RAPGEF2: variants seen among roughly 807,000 people sequenced by gnomAD.
RAPGEF2 encodes PDZ domain containing guanine nucleotide exchange factor (GEF) 1.
RAPGEF2 carries 54 observed loss-of-function variants against 186.7 expected under a neutral mutation model. That is an observed-to-expected ratio of 0.29 (90% CI 0.23 to 0.36). RAPGEF2 has a LOEUF of 0.36. RAPGEF2 is among the 10% of genes least tolerant of loss of function. The pLI is 1.00. For synonymous variants in RAPGEF2, 712 were observed against 705.9 expected (o/e 1.01, Z -0.14); for missense variants, 1,532 against 2,045.0 (o/e 0.75, Z 4.84).
At chr4:159,104,506 GAGAGAGAGAGAGAGAGAGAGGGAGAGAC>G (rs1300287346) in intron 1 of RAPGEF2, among the ~76,000 whole-genome samples, 1 of 127,510 alleles carries the variant, frequency 7.8e-6, no homozygotes, top group Admixed American at 7.9e-5. Flanking sequence ...GAGAGAGAGA[GAGAGAGAGAGAGAGAGAGAGGGAGAGAC>G]AGAGAGAGAG....
intron 7 of RAPGEF2, among the ~76,000 whole-genome samples, chr4:159,260,513 A>G (rs983908225): frequency 6.6e-6 from 1 of 152,026 alleles, no homozygotes; most frequent in Non-Finnish European, 1.5e-5. Flanking sequence ...AGATAAGACC[A>G]CCTTAAGAGT....
intron 4 of RAPGEF2, among the ~76,000 whole-genome samples, chr4:159,216,160 T>TG (rs1035994057): frequency 5.9e-5 from 9 of 152,172 alleles, no homozygotes; most frequent in Admixed American, 5.2e-4. Context: ...TCCTACTGTG[T>TG]GGTCTCTACA....
chr4:159,206,367 G>C (rs1749992465), intron 3 of RAPGEF2, among the ~76,000 whole-genome samples: 1 of 152,160 alleles, frequency 6.6e-6, no homozygotes, highest in Admixed American at 6.5e-5. Flanking sequence ...AGACAAAAAA[G>C]CTTGTCAGAC....
At chr4:159,305,225 T>G (rs1763139132) in intron 8 of RAPGEF2, among the ~76,000 whole-genome samples, 1 of 152,190 alleles carries the variant, frequency 6.6e-6, no homozygotes, top group African/African-American at 2.4e-5. Context: ...TGAATCGTAG[T>G]TCTATTTTTA....
At chr4:159,138,509 A>G (rs1741963077) in intron 1 of RAPGEF2, among the ~76,000 whole-genome samples, 1 of 152,138 alleles carries the variant, frequency 6.6e-6, no homozygotes, top group African/African-American at 2.4e-5. Context: ...TGTAGGCCAA[A>G]TTTTAAGAGA....
At chr4:159,300,898 A>T (rs1049834336) in intron 7 of RAPGEF2, among the ~76,000 whole-genome samples, 1 of 151,962 alleles carries the variant, frequency 6.6e-6, no homozygotes, top group Admixed American at 6.6e-5. Context: ...CTGACTCTCA[A>T]CCCCTACATG....
chr4:159,301,067 A>G (rs1762606344), intron 7 of RAPGEF2, among the ~76,000 whole-genome samples: 1 of 152,160 alleles, frequency 6.6e-6, no homozygotes, highest in Admixed American at 6.5e-5. Flanking sequence ...ACTGATGTGT[A>G]TTGTCAATAA....
At position 159,319,415 on chromosome 4, in the gene RAPGEF2, TC is replaced by T. The variant is rs538849999; in HGVS notation, c.854-2926del. Reference sequence around the variant, plus strand: ...GCAGAACAGTTTCATCCCAAAACTATCCCCCCGCACCCACCAAGAGTGGAAA... The same window carrying T: ...GCAGAACAGTTTCATCCCAAAACTATCCCCCGCACCCACCAAGAGTGGAAA... On this transcript the variant is annotated intron_variant, in intron 9 of 29. Transcript: ENST00000691494. 8.8e-4 allele frequency among the ~76,000 whole-genome samples: 133 copies of T among 151,984 alleles called. 3 individuals carry two copies. The East Asian group carries it at 0.022, about 25-fold the overall frequency.
chr4:159,136,018 T>C (rs1246742603), intron 1 of RAPGEF2, among the ~76,000 whole-genome samples: 2 of 152,246 alleles, frequency 1.3e-5, no homozygotes, highest in Non-Finnish European at 2.9e-5. Context: ...TAAGTACATT[T>C]GTCAAAAGTA....
intron 7 of RAPGEF2, among the ~76,000 whole-genome samples, chr4:159,249,227 GA>G (rs762188274): frequency 2.1e-5 from 3 of 141,766 alleles, no homozygotes; most frequent in African/African-American, 2.8e-5. Flanking sequence ...CTTATCATGT[GA>G]TTTTTTTTTT....
At chr4:159,154,322 T>C (rs1743881271) in intron 1 of RAPGEF2, among the ~76,000 whole-genome samples, 1 of 152,162 alleles carries the variant, frequency 6.6e-6, no homozygotes, top group African/African-American at 2.4e-5. Flanking sequence ...ACAGTAATAG[T>C]GGATCCTTCT....
At chr4:159,180,727 C>A (rs2111274962) in intron 1 of RAPGEF2, among the ~76,000 whole-genome samples, 1 of 152,190 alleles carries the variant, frequency 6.6e-6, no homozygotes, top group Admixed American at 6.5e-5. Flanking sequence ...TTTGAAAGTA[C>A]CCCCTAAAAA....
At chr4:159,289,054 C>CT (rs1471316332) in intron 7 of RAPGEF2, among the ~76,000 whole-genome samples, 1 of 152,078 alleles carries the variant, frequency 6.6e-6, no homozygotes, top group Non-Finnish European at 1.5e-5. Flanking sequence ...TAGCTGAAAT[C>CT]TTTTTTTAAA....
At chr4:159,289,991 A>G (rs1296389167) in intron 7 of RAPGEF2, among the ~76,000 whole-genome samples, 2 of 152,182 alleles carry the variant, frequency 1.3e-5, no homozygotes, top group Non-Finnish European at 2.9e-5. Flanking sequence ...TAGGAATATA[A>G]CTTTTTCCAA....
chr4:159,348,245 TGGA>T (rs1730667688), intron 25 of RAPGEF2, among the ~76,000 whole-genome samples: 1 of 25,024 alleles, frequency 4.0e-5, no homozygotes, highest in African/African-American at 6.2e-5. Context: ...GATAGATAGA[TGGA>T]TGGATGGATG....
intron 1 of RAPGEF2, among the ~76,000 whole-genome samples, chr4:159,160,557 A>T (rs554231351): frequency 1.3e-5 from 2 of 152,372 alleles, no homozygotes; most frequent in East Asian, 3.9e-4. Context: ...CTTCAGTAGC[A>T]ATTTGAAGAA....
At chr4:159,179,684 T>C (rs1366454454) in intron 1 of RAPGEF2, among the ~76,000 whole-genome samples, 1 of 152,208 alleles carries the variant, frequency 6.6e-6, no homozygotes, top group Non-Finnish European at 1.5e-5. Flanking sequence ...TTGAAACTTC[T>C]GTGTGAGAAG....
At chr4:159,271,064 T>A in intron 7 of RAPGEF2, among the ~76,000 whole-genome samples, 1 of 152,166 alleles carries the variant, frequency 6.6e-6, no homozygotes, top group East Asian at 1.9e-4. Flanking sequence ...TGTTAATAGA[T>A]GGTAGATGAA....
intron 8 of RAPGEF2, among the ~76,000 whole-genome samples, chr4:159,309,509 G>A (rs1763703715): frequency 6.6e-6 from 1 of 152,094 alleles, no homozygotes; most frequent in African/African-American, 2.4e-5. Flanking sequence ...AATATAAGCT[G>A]GATATGAAAG....
Sources: allele counts gnomAD v4.1 joint callset (sites outside exome capture counted in the v4.1 genomes callset), GRCh38; gene constraint gnomAD v4.1.1; transcripts MANE v1.5; gene names NCBI Gene and HGNC (gene_info 2026-07-23, HGNC 2026-07-21).